Variants in NDUFAF6 observed in about 807,000 individuals in gnomAD.
NDUFAF6 encodes NADH:ubiquinone oxidoreductase complex assembly factor 6.
NDUFAF6 carries 45 observed loss-of-function variants against 40.8 expected under a neutral mutation model. That is an observed-to-expected ratio of 1.10 (90% CI 0.87 to 1.42). The LOEUF (loss-of-function observed/expected upper bound fraction) is 1.42, where lower values mean the gene tolerates loss of function less well. Ranked by LOEUF, NDUFAF6 falls within the 40% of genes most tolerant of loss-of-function variation. NDUFAF6 has a pLI of 0.00. For synonymous variants in NDUFAF6, 185 were observed against 155.9 expected (o/e 1.19, Z -1.39); for missense variants, 435 against 418.5 (o/e 1.04, Z -0.34).
chr8:95,042,635 C>T (rs1035256749), intron 4 of NDUFAF6, among the ~76,000 whole-genome samples: 1 of 152,156 alleles, frequency 6.6e-6, no homozygotes, highest in Non-Finnish European at 1.5e-5. Context: ...AATTGACAAA[C>T]TGGTCCTAAA....
intron 1 of NDUFAF6, among the ~76,000 whole-genome samples, chr8:94,958,746 G>C (rs1823305129): frequency 1.3e-5 from 2 of 151,936 alleles, no homozygotes; most frequent in South Asian, 4.2e-4. Context: ...CCTGACCTCA[G>C]GTGATCTGAC....
At chr8:94,943,727 G>C (rs1477963754) in intron 1 of NDUFAF6, among the ~76,000 whole-genome samples, 1 of 152,186 alleles carries the variant, frequency 6.6e-6, no homozygotes, top group East Asian at 1.9e-4. Flanking sequence ...TACTACACAA[G>C]TTAAACATTT....
chr8:95,007,141 C>T (rs1827026890), intron 2 of NDUFAF6, among the ~76,000 whole-genome samples: 2 of 152,156 alleles, frequency 1.3e-5, no homozygotes, highest in African/African-American at 4.8e-5. Context: ...TATTTGCACT[C>T]TAACCAATTG....
At chr8:95,114,923 G>C (rs141021064) in intron 4 of NDUFAF6, among the ~76,000 whole-genome samples, 183 of 152,264 alleles carry the variant, frequency 1.2e-3, no homozygotes, top group Non-Finnish European at 2.0e-3. Context: ...TTAGCCAGGC[G>C]TGGTGGCAGG....
chr8:95,099,597 A>G (rs1256969523), upstream of NDUFAF6, among the ~76,000 whole-genome samples: 9 of 152,090 alleles, frequency 5.9e-5, no homozygotes, highest in African/African-American at 2.2e-4. Context: ...AAAAAAAAGA[A>G]AAAGAAAGAA....
At chr8:95,089,218 G>A (rs560447626) in intron 2 of NDUFAF6, among the ~76,000 whole-genome samples, 15 of 151,756 alleles carry the variant, frequency 9.9e-5, no homozygotes, top group East Asian at 1.9e-4. Flanking sequence ...ACACCACCTC[G>A]TCCAGCTAAT....
intron 2 of NDUFAF6, among the ~76,000 whole-genome samples, chr8:95,094,002 A>G (rs1809354737): frequency 6.6e-6 from 1 of 151,622 alleles, no homozygotes. Flanking sequence ...ACAGCGTCTC[A>G]CTCTGTTGCC....
intron 5 of NDUFAF6, among the ~76,000 whole-genome samples, chr8:95,046,671 T>C (rs1447539585): frequency 1.3e-5 from 2 of 152,208 alleles, no homozygotes; most frequent in African/African-American, 4.8e-5. Context: ...AATGAGATCA[T>C]ATGGAAATTG....
intron 1 of NDUFAF6, chr8:94,940,324 CA>C: frequency 2.2e-6 from 3 of 1,355,636 alleles, no homozygotes; most frequent in Non-Finnish European, 3.0e-6. Context: ...ATCAAATTCA[CA>C]GCACAGAAAA....
intron 9 of NDUFAF6, among the ~76,000 whole-genome samples, chr8:95,065,391 C>T (rs1832678420): frequency 6.6e-6 from 1 of 152,176 alleles, no homozygotes; most frequent in African/African-American, 2.4e-5. Context: ...GGAAAAATTT[C>T]CACATATTTC....
intron 1 of NDUFAF6, chr8:94,974,625 T>C (rs80217195): frequency 0.14 from 22,037 of 152,484 alleles, 1,773 homozygotes; most frequent in Middle Eastern, 0.23. Context: ...AGCAGCAATA[T>C]GCTGAGCGGT....
chr8:95,031,314 T>C (rs1189861072), intron 1 of NDUFAF6, among the ~76,000 whole-genome samples: 1 of 152,210 alleles, frequency 6.6e-6, no homozygotes, highest in African/African-American at 2.4e-5. Context: ...CCTACATGAA[T>C]TTCTATGTCT....
chr8:94,996,306 G>A (rs116476432), intron 2 of NDUFAF6, among the ~76,000 whole-genome samples: 1 of 152,066 alleles, frequency 6.6e-6, no homozygotes, highest in Non-Finnish European at 1.5e-5. Context: ...CCAGGAACCA[G>A]GTCAAGAATC....
chr8:94,905,654 G>C (rs1163335456), intron 1 of NDUFAF6, among the ~76,000 whole-genome samples: 2 of 152,164 alleles, frequency 1.3e-5, no homozygotes, highest in Non-Finnish European at 2.9e-5. Context: ...AAAGCTACCT[G>C]GGTGCCCTCT....
chr8:95,010,182 G>A (rs1586959672), intron 2 of NDUFAF6, among the ~76,000 whole-genome samples: 1 of 152,090 alleles, frequency 6.6e-6, no homozygotes, highest in Admixed American at 6.6e-5. Flanking sequence ...TCCACCTCCC[G>A]AGTTCAAGCA....
intron 1 of NDUFAF6, among the ~76,000 whole-genome samples, chr8:95,028,274 A>G (rs1255819172): frequency 6.6e-6 from 1 of 152,184 alleles, no homozygotes; most frequent in Admixed American, 6.5e-5. Flanking sequence ...TATTTGCCCT[A>G]TTGCCATATA....
At chr8:94,949,915 C>T (rs1822425384) in intron 2 of NDUFAF6, 1 of 152,262 alleles carries the variant, frequency 6.6e-6, no homozygotes, top group Admixed American at 6.5e-5. Context: ...GGGAGGGGGC[C>T]GCTGCTGGGC....
chr8:94,985,506 TA>T (rs1825739839), intron 2 of NDUFAF6, among the ~76,000 whole-genome samples: 8 of 6,762 alleles, frequency 1.2e-3, no homozygotes, highest in African/African-American at 1.6e-3. Context: ...TATATATATA[TA>T]TATATATATT....
intron 1 of NDUFAF6, chr8:94,926,093 A>T (rs1267068389): frequency 1.3e-5 from 2 of 152,612 alleles, no homozygotes; most frequent in Admixed American, 1.3e-4. Flanking sequence ...ACAATGCTAC[A>T]CTCATTTTTG....
Sources: gnomAD v4.1 joint callset for allele counts (sites outside exome capture counted in the v4.1 genomes callset) on GRCh38, gnomAD v4.1.1 for gene constraint, MANE v1.5 for transcripts, NCBI Gene and HGNC (gene_info 2026-07-23, HGNC 2026-07-21) for gene names.